Variants in NALCN observed in about 807,000 individuals in gnomAD.
NALCN encodes sodium leak channel, non-selective.
In NALCN, 111 loss-of-function variants were observed where a neutral mutation model predicts 225.3. That is an observed-to-expected ratio of 0.49 (90% CI 0.42 to 0.58). The LOEUF (loss-of-function observed/expected upper bound fraction) is 0.58, where lower values mean the gene tolerates loss of function less well. NALCN is among the 20% of genes least tolerant of loss of function. The pLI is 0.00. For missense variants in NALCN, 1,378 were observed against 2,202.4 expected, an observed-to-expected ratio of 0.63 and a Z score of 7.49; for synonymous variants, 764 against 769.0, an observed-to-expected ratio of 0.99 and a Z score of 0.11.
At chr13:101,313,345 A>T (rs9518372) in intron 7 of NALCN, among the ~76,000 whole-genome samples, 42,204 of 152,136 alleles carry the variant, frequency 0.28, 6,281 homozygotes, top group Non-Finnish European at 0.34. Context: ...ATTTAATTAA[A>T]CTAAAGAGCT....
intron 9 of NALCN, among the ~76,000 whole-genome samples, chr13:101,289,008 C>T (rs61973664): frequency 0.036 from 5,522 of 152,272 alleles, 194 homozygotes; most frequent in African/African-American, 0.091. Flanking sequence ...CTCAGGACTT[C>T]GTCTTTCAGC....
intron 10 of NALCN, among the ~76,000 whole-genome samples, chr13:101,260,409 C>T: frequency 6.6e-6 from 1 of 152,166 alleles, no homozygotes; most frequent in Middle Eastern, 3.2e-3. Flanking sequence ...TGCTAAATTA[C>T]AGCAGCTCAA....
chr13:101,117,092 G>T, intron 18 of NALCN: 1 of 398,790 alleles, frequency 2.5e-6, no homozygotes, highest in Non-Finnish European at 5.0e-6. Flanking sequence ...AATGGATCTG[G>T]CTCTTTCATA....
At chr13:101,152,517 G>GACATTTAACATTTAAACACGCGTGC (rs1176978492) in intron 15 of NALCN, among the ~76,000 whole-genome samples, 3 of 151,866 alleles carry the variant, frequency 2.0e-5, no homozygotes, top group Admixed American at 1.3e-4. Context: ...CCTTCAGAAG[G>GACATTTAACATTTAAACACGCGTGC]TTACTTTGTG....
At chr13:101,357,871 A>C (rs2046109860) in intron 6 of NALCN, among the ~76,000 whole-genome samples, 1 of 152,198 alleles carries the variant, frequency 6.6e-6, no homozygotes, top group Admixed American at 6.5e-5. Flanking sequence ...GAGACCTCAG[A>C]AATCACATCA....
intron 14 of NALCN, among the ~76,000 whole-genome samples, chr13:101,184,416 A>G (rs1387107969): frequency 1.3e-5 from 2 of 152,098 alleles, no homozygotes; most frequent in Non-Finnish European, 1.5e-5. Flanking sequence ...CTCTTTCTCT[A>G]ATACCTCCTC....
At chr13:101,176,250 G>T (rs755668978) in intron 15 of NALCN, 50 bp downstream of exon 15, 1 of 1,371,098 alleles carries the variant, frequency 7.3e-7, no homozygotes, top group Non-Finnish European at 9.8e-7. Flanking sequence ...CAAATGGTTT[G>T]CCCCTGGTTT....
At chr13:101,121,912 G>T (rs1417317822) in intron 18 of NALCN, among the ~76,000 whole-genome samples, 1 of 151,446 alleles carries the variant, frequency 6.6e-6, no homozygotes, top group East Asian at 1.9e-4. Flanking sequence ...TTTGTGGAAG[G>T]TTATTCGAAT....
At chr13:101,330,277 T>C (rs1415776321) in intron 7 of NALCN, among the ~76,000 whole-genome samples, 1 of 151,984 alleles carries the variant, frequency 6.6e-6, no homozygotes, top group African/African-American at 2.4e-5. Context: ...TGGGAGAATA[T>C]AAAATCAGAG....
chr13:101,136,352 C>T (rs1469261196), intron 17 of NALCN, among the ~76,000 whole-genome samples: 3 of 151,684 alleles, frequency 2.0e-5, no homozygotes, highest in Non-Finnish European at 4.4e-5. Flanking sequence ...ATGTGCACAA[C>T]GTGCAGGTTT....
chr13:101,271,121 A>AT (rs1249557715), intron 10 of NALCN, among the ~76,000 whole-genome samples: 1 of 152,192 alleles, frequency 6.6e-6, no homozygotes, highest in African/African-American at 2.4e-5. Flanking sequence ...AATGTTCTGC[A>AT]TATTTCTTCC....
chr13:101,169,615 C>T (rs181593216), intron 15 of NALCN, among the ~76,000 whole-genome samples: 14 of 152,310 alleles, frequency 9.2e-5, no homozygotes, highest in Admixed American at 8.5e-4. Context: ...CTCATCCAAT[C>T]CACACCTAGA....
chr13:101,169,914 G>A (rs575688935), intron 15 of NALCN, among the ~76,000 whole-genome samples: 10 of 152,324 alleles, frequency 6.6e-5, no homozygotes, highest in Non-Finnish European at 1.5e-4. Flanking sequence ...ACATTAGTTT[G>A]AGTTCATTCA....
intron 15 of NALCN, among the ~76,000 whole-genome samples, chr13:101,162,397 GA>G (rs900821926): frequency 2.0e-5 from 3 of 152,154 alleles, no homozygotes; most frequent in Non-Finnish European, 4.4e-5. Context: ...CAGAAGAACG[GA>G]AAAGTACATG....
chr13:101,323,194 A>G, intron 7 of NALCN, among the ~76,000 whole-genome samples: 1 of 152,350 alleles, frequency 6.6e-6, no homozygotes, highest in Non-Finnish European at 1.5e-5. Context: ...TATTAATTGT[A>G]TCAGTATATA....
intron 13 of NALCN, among the ~76,000 whole-genome samples, chr13:101,194,147 G>C (rs998364429): frequency 5.9e-5 from 9 of 152,166 alleles, no homozygotes; most frequent in Non-Finnish European, 1.3e-4. Flanking sequence ...CACAGTAGCT[G>C]CTTGGGAACG....
chr13:101,380,724 T>C (rs568656934), intron 3 of NALCN, among the ~76,000 whole-genome samples: 2 of 152,324 alleles, frequency 1.3e-5, no homozygotes, highest in East Asian at 1.9e-4. Flanking sequence ...AAATAGTTTA[T>C]GGTGTATGCA....
chr13:101,222,675 T>G (rs1175162948), intron 13 of NALCN, among the ~76,000 whole-genome samples: 2 of 152,188 alleles, frequency 1.3e-5, no homozygotes, highest in Non-Finnish European at 2.9e-5. Context: ...GCAGAATTAG[T>G]TGCCCTAATA....
intron 6 of NALCN, chr13:101,373,147 C>T (rs2046588716): frequency 3.4e-6 from 1 of 295,404 alleles, no homozygotes; most frequent in Admixed American, 4.8e-5. Context: ...GATAACAACT[C>T]CATAGCTCTG....
Sources: allele counts gnomAD v4.1 joint callset (sites outside exome capture counted in the v4.1 genomes callset), GRCh38; gene constraint gnomAD v4.1.1; transcripts MANE v1.5; gene names NCBI Gene and HGNC (gene_info 2026-07-23, HGNC 2026-07-21).